Variants in FRG1 observed in about 807,000 individuals in gnomAD.
FRG1 encodes the protein FSHD region gene 1.
A neutral mutation model predicts 37.0 loss-of-function variants in FRG1; 19 were observed. The ratio of observed to expected loss-of-function variants is 0.51; its 90% CI spans 0.36 to 0.75. The LOEUF (loss-of-function observed/expected upper bound fraction) is 0.75, where lower values mean the gene tolerates loss of function less well. Among genes scored for constraint, FRG1 ranks in the 30% least tolerant of loss-of-function variants. The pLI is 0.00. For synonymous variants in FRG1, 73 were observed against 96.5 expected (o/e 0.76, Z 1.43); for missense variants, 243 against 301.4 (o/e 0.81, Z 1.44).
At chr4:189,958,662 A>C (rs1403420016) in intron 6 of FRG1, among the ~76,000 whole-genome samples, 1 of 152,234 alleles carries the variant, frequency 6.6e-6, no homozygotes, top group African/African-American at 2.4e-5. Flanking sequence ...TTTGTTTTAC[A>C]TCATTGTAAA....
At chr4:189,949,919 C>T (rs1390116898) in intron 2 of FRG1, among the ~76,000 whole-genome samples, 4 of 152,056 alleles carry the variant, frequency 2.6e-5, no homozygotes, top group South Asian at 2.1e-4. Flanking sequence ...TCTATTTTTA[C>T]GTGTATGCTT....
At position 189,953,110 on chromosome 4, in the gene FRG1, A is replaced by G. The variant is rs748595063; in HGVS notation, c.302A>G (p.Lys101Arg). 9 of 1,588,542 alleles carry G rather than the reference A, an allele frequency of 5.7e-6. No homozygotes were observed. Among genetic ancestry groups the G allele is most frequent in the Admixed American group, 5.2e-5 (3 of 57,208 alleles). Residue 101 changes from lysine to arginine, a missense_variant, in exon 4 of 9, where the codon AAA becomes AGA. Transcript: ENST00000226798. ...CCTCCAGAGCAGTTTACGGCTGTCA[A>G]ATTATCTGATTCCAGGTGAGCTTAT... ...PSPPEQFTAV[K>R]LSDSRIALKS...
intron 2 of FRG1, among the ~76,000 whole-genome samples, chr4:189,944,723 A>C (rs1431877962): frequency 6.6e-6 from 1 of 151,818 alleles, no homozygotes; most frequent in African/African-American, 2.4e-5. Context: ...CTTTCTATGT[A>C]TTGGTCTGTT....
intron 1 of FRG1, among the ~76,000 whole-genome samples, chr4:189,942,955 A>C (rs1205142905): frequency 1.3e-5 from 2 of 152,198 alleles, no homozygotes; most frequent in Non-Finnish European, 2.9e-5. Context: ...CGGAGCTAAG[A>C]AGTGAAAGAA....
chr4:189,955,109 T>C lies in FRG1; in HGVS notation c.390T>C (p.Asp130=), dbSNP rs777139719. Residue 130 remains aspartate, a synonymous_variant, in exon 5 of 9, where the codon GAT becomes GAC. Coordinates refer to ENST00000226798, the MANE Select transcript of FRG1 (RefSeq NM_004477.3). ...ATGGACTTGTTGTTGGGCGTTCAGA[T>C]GCAATTGGACCAAGAGAACAATGGG... is the stretch of plus-strand genomic sequence containing the variant. ...NSDGLVVGRS[D]AIGPREQWEP... 1 of 1,613,586 alleles carries C rather than the reference T, an allele frequency of 6.2e-7. No individual in the cohort carries two copies. Among genetic ancestry groups the C allele is most frequent in the South Asian group, 1.1e-5 (1 of 91,074 alleles).
chr4:189,942,818 G>A (rs111378717), intron 1 of FRG1, among the ~76,000 whole-genome samples: 2 of 152,166 alleles, frequency 1.3e-5, no homozygotes, highest in African/African-American at 4.8e-5. Context: ...TTTCCACCAG[G>A]AATGTGTGAA....
At chr4:189,951,480 T>G (rs369150008) in intron 2 of FRG1, among the ~76,000 whole-genome samples, 1 of 129,796 alleles carries the variant, frequency 7.7e-6, no homozygotes, top group South Asian at 2.5e-4. Flanking sequence ...ACAGAGCGAG[T>G]CTCCGTCTCA....
chr4:189,962,735 T>C (rs1373964028), intron 8 of FRG1, among the ~76,000 whole-genome samples: 1 of 152,206 alleles, frequency 6.6e-6, no homozygotes. Flanking sequence ...AATCAGGATG[T>C]GGACTCTAAA....
chr4:189,961,702 C>G, intron 7 of FRG1, 120 bp from the exon 8 acceptor site: 1 of 553,480 alleles, frequency 1.8e-6, no homozygotes, highest in Non-Finnish European at 3.2e-6. Flanking sequence ...GCCACTGCGC[C>G]TGGCCTACAA....
chr4:189,962,647 T>TA (rs1200849369), intron 8 of FRG1, among the ~76,000 whole-genome samples: 1 of 152,128 alleles, frequency 6.6e-6, no homozygotes, highest in Non-Finnish European at 1.5e-5. Flanking sequence ...AGTCAGTAAA[T>TA]AATGTTAAGA....
chr4:189,950,191 A>G (rs564122740), intron 2 of FRG1, among the ~76,000 whole-genome samples: 152 of 152,308 alleles, frequency 1.0e-3, no homozygotes, highest in African/African-American at 3.5e-3. Flanking sequence ...TCTTTGGAGC[A>G]ATGTCCGTGT....
At chr4:189,941,453 C>G (rs957454026) in intron 1 of FRG1, among the ~76,000 whole-genome samples, 1 of 152,100 alleles carries the variant, frequency 6.6e-6, no homozygotes, top group African/African-American at 2.4e-5. Flanking sequence ...TTCTAGAAAA[C>G]TTATTAATTT....
At chr4:189,961,370 T>C (rs1737222173) in intron 7 of FRG1, 1 of 156,904 alleles carries the variant, frequency 6.4e-6, no homozygotes, top group Non-Finnish European at 1.4e-5. Flanking sequence ...GTCATCTTTG[T>C]TGAAAAGCTC....
intron 6 of FRG1, among the ~76,000 whole-genome samples, chr4:189,958,095 A>C (rs1737065180): frequency 6.9e-6 from 1 of 145,354 alleles, no homozygotes; most frequent in African/African-American, 2.5e-5. Context: ...TATGAGTTTG[A>C]ATGTAGAAAG....
chr4:189,944,633 T>C (rs1290364121), intron 2 of FRG1, among the ~76,000 whole-genome samples: 1 of 152,106 alleles, frequency 6.6e-6, no homozygotes, highest in Non-Finnish European at 1.5e-5. Context: ...TTAAACATCT[T>C]GATAGCCAGT....
intron 6 of FRG1, 138 bp from the exon 7 acceptor site, chr4:189,960,610 C>G: frequency 9.9e-7 from 1 of 1,005,708 alleles, no homozygotes; most frequent in Non-Finnish European, 1.4e-6. Context: ...ATAGCCAGAA[C>G]CTTTTTCTGA....
Position 189,941,078 on chromosome 4 carries a change from C to T in FRG1, c.62+7C>T, listed in dbSNP as rs746577596. On this transcript the variant is annotated splice_region_variant and intron_variant, in intron 1 of 8. Coordinates refer to ENST00000226798, the MANE Select transcript of FRG1 (RefSeq NM_004477.3). ...AGGGAACCAAGACGAAGAGGTGGGTCCTGCAGCTTGGGCGGGAGCCTCCTC... is the reference window on the plus strand; with the variant it reads ...AGGGAACCAAGACGAAGAGGTGGGTTCTGCAGCTTGGGCGGGAGCCTCCTC... 3.7e-6 allele frequency: 6 copies of T among 1,613,348 alleles called. No individual in the cohort carries two copies. The Admixed American group carries it at 8.3e-5, about 22-fold the overall frequency.
At chr4:189,961,059 G>A (rs77740211) in intron 7 of FRG1, 14 of 466,632 alleles carry the variant, frequency 3.0e-5, no homozygotes, top group African/African-American at 1.8e-4. Context: ...GAGCAAGACC[G>A]TGTCTGAAAA....
intron 2 of FRG1, among the ~76,000 whole-genome samples, chr4:189,946,415 G>A (rs547775827): frequency 1.3e-5 from 2 of 151,456 alleles, no homozygotes; most frequent in South Asian, 4.2e-4. Flanking sequence ...TGGCCCTCAG[G>A]TTGGACAAGC....
Sources: allele counts gnomAD v4.1 joint callset (sites outside exome capture counted in the v4.1 genomes callset), GRCh38; gene constraint gnomAD v4.1.1; transcripts MANE v1.5; gene names NCBI Gene and HGNC (gene_info 2026-07-23, HGNC 2026-07-21).